Variants in SUMF1 observed in about 807,000 individuals in gnomAD.
SUMF1 encodes formylglycine-generating enzyme.
Under a neutral mutation model 47.6 loss-of-function variants are expected in SUMF1, and 48 were observed. The observed-to-expected ratio is 1.01, with a 90% CI of 0.80 to 1.28. SUMF1 has a LOEUF of 1.28. Among genes scored for constraint, SUMF1 ranks in the 50% most tolerant of loss-of-function variants. The probability of loss-of-function intolerance (pLI) is 0.00; values close to 1 mark genes in which losing one functional copy is unlikely to be tolerated. For missense variants in SUMF1, 571 were observed against 485.4 expected (o/e 1.18, Z -1.66); for synonymous variants, 230 against 192.1 (o/e 1.20, Z -1.63).
At chr3:4,254,531 G>A (rs1278244645) in intron 8 of SUMF1, among the ~76,000 whole-genome samples, 2 of 149,054 alleles carry the variant, frequency 1.3e-5, no homozygotes, top group Non-Finnish European at 3.0e-5. Flanking sequence ...AAGATGAAAT[G>A]AATGAAATGA....
intron 8 of SUMF1, among the ~76,000 whole-genome samples, chr3:4,209,687 T>C (rs1695736967): frequency 6.6e-6 from 1 of 152,012 alleles, no homozygotes. Flanking sequence ...ACATGAAAAT[T>C]ACTGAACATC....
At chr3:4,165,936 C>A (rs1260905137) in intron 8 of SUMF1, among the ~76,000 whole-genome samples, 1 of 147,144 alleles carries the variant, frequency 6.8e-6, no homozygotes, top group African/African-American at 2.5e-5. Flanking sequence ...CTCACTGATG[C>A]AGTAGCAGAT....
At chr3:4,220,916 T>C (rs946901027) in intron 8 of SUMF1, among the ~76,000 whole-genome samples, 5 of 152,150 alleles carry the variant, frequency 3.3e-5, no homozygotes, top group African/African-American at 1.2e-4. Flanking sequence ...GTTCAGAGTA[T>C]ATAAAATGTC....
Position 4,063,298 on chromosome 3 carries a change from G to C in SUMF1, c.1191+5271C>G, listed in dbSNP as rs1012595964. On this transcript the variant is annotated intron_variant and NMD_transcript_variant, in intron 9 of 12. Transcript: ENST00000448413. ...TAACTGAACACAGGACCAAGAGCCAGCCTTACAAACATTTTCTGATAAGCT... is the reference window on the plus strand; with the variant it reads ...TAACTGAACACAGGACCAAGAGCCACCCTTACAAACATTTTCTGATAAGCT... Among the ~76,000 whole-genome samples, 3 of 152,128 alleles carry C rather than the reference G, an allele frequency of 2.0e-5. No homozygotes were observed. The East Asian group carries it at 5.8e-4, about 29-fold the overall frequency.
intron 8 of SUMF1, among the ~76,000 whole-genome samples, chr3:4,349,435 A>C (rs1258790306): frequency 6.6e-6 from 1 of 152,238 alleles, no homozygotes; most frequent in Non-Finnish European, 1.5e-5. Flanking sequence ...GTGATTCCCC[A>C]AGGATCTAGA....
At chr3:4,138,376 T>C (rs1177275350) in intron 8 of SUMF1, among the ~76,000 whole-genome samples, 1 of 152,124 alleles carries the variant, frequency 6.6e-6, no homozygotes, top group Non-Finnish European at 1.5e-5. Flanking sequence ...TTTGTTTGCC[T>C]GAAGATTTGA....
At chr3:4,167,481 A>G (rs1244123087) in intron 8 of SUMF1, among the ~76,000 whole-genome samples, 1 of 152,092 alleles carries the variant, frequency 6.6e-6, no homozygotes, top group East Asian at 1.9e-4. Context: ...TACATCTTAC[A>G]CAGTGCTGAT....
chr3:4,380,314 C>T lies in SUMF1; in HGVS notation c.955-3925G>A, dbSNP rs373660936. On this transcript the variant is annotated intron_variant, in intron 7 of 8. Transcript: ENST00000272902. Reference sequence around the variant, plus strand: ...GCCATTATTATCCTATGTGAATTAACGCAGGAACAGAAAACCAAATACCGC... The same window carrying T: ...GCCATTATTATCCTATGTGAATTAATGCAGGAACAGAAAACCAAATACCGC... Among the ~76,000 whole-genome samples, 42 of 152,232 alleles carry T rather than the reference C, an allele frequency of 2.8e-4. No individual in the cohort carries two copies. In the East Asian group the frequency reaches 5.2e-3, roughly 19 times the overall value.
At chr3:4,330,956 T>A (rs1699039302) in intron 8 of SUMF1, among the ~76,000 whole-genome samples, 1 of 152,224 alleles carries the variant, frequency 6.6e-6, no homozygotes, top group South Asian at 2.1e-4. Flanking sequence ...AACTCTGTTA[T>A]TCCAATTCAA....
At chr3:4,174,167 T>G (rs1033755669) in intron 8 of SUMF1, among the ~76,000 whole-genome samples, 1 of 151,662 alleles carries the variant, frequency 6.6e-6, no homozygotes, top group Non-Finnish European at 1.5e-5. Flanking sequence ...GCATCCTGGC[T>G]AACATGGTGA....
At chr3:4,221,798 T>C (rs573504850) in intron 8 of SUMF1, among the ~76,000 whole-genome samples, 2 of 152,206 alleles carry the variant, frequency 1.3e-5, no homozygotes, top group East Asian at 3.9e-4. Context: ...AAATGTAATA[T>C]ATAGTATACA....
At chr3:4,175,501 A>T (rs1348086443) in intron 8 of SUMF1, among the ~76,000 whole-genome samples, 1 of 152,172 alleles carries the variant, frequency 6.6e-6, no homozygotes, top group Non-Finnish European at 1.5e-5. Flanking sequence ...CAACATCAAC[A>T]AAAAGGTCAT....
intron 8 of SUMF1, among the ~76,000 whole-genome samples, chr3:4,255,106 T>C (rs2125015742): frequency 6.6e-6 from 1 of 150,566 alleles, no homozygotes; most frequent in Non-Finnish European, 1.5e-5. Context: ...AAAGAGCTCC[T>C]GAAGGAAGCA....
intron 8 of SUMF1, among the ~76,000 whole-genome samples, chr3:4,081,295 T>C (rs1356035282): frequency 6.6e-6 from 1 of 152,154 alleles, no homozygotes; most frequent in Non-Finnish European, 1.5e-5. Context: ...GTGTTCCTTC[T>C]GCCTCATCTA....
intron 8 of SUMF1, among the ~76,000 whole-genome samples, chr3:4,136,314 C>A (rs1424186162): frequency 6.6e-6 from 1 of 152,012 alleles, no homozygotes; most frequent in Non-Finnish European, 1.5e-5. Context: ...AGAAATAATA[C>A]CACACATCTA....
intron 1 of SUMF1, among the ~76,000 whole-genome samples, chr3:4,461,297 C>T (rs191735506): frequency 6.6e-6 from 1 of 152,056 alleles, no homozygotes; most frequent in Non-Finnish European, 1.5e-5. Context: ...ATAACCCAGT[C>T]CTAAAAGGAG....
At chr3:4,227,415 G>A (rs1696198082) in intron 8 of SUMF1, among the ~76,000 whole-genome samples, 1 of 152,214 alleles carries the variant, frequency 6.6e-6, no homozygotes, top group East Asian at 1.9e-4. Context: ...AAAAATAACT[G>A]CTTCTACAAC....
Position 4,246,289 on chromosome 3 carries a change from G to T in SUMF1, c.1014+130041C>A, listed in dbSNP as rs1364395883. Among the ~76,000 whole-genome samples, 3 of 151,998 alleles carry T rather than the reference G, an allele frequency of 2.0e-5. No homozygotes were observed. In the East Asian group the frequency reaches 5.8e-4, roughly 29 times the overall value. ...CACCCACTGTCCAACCAGACCCAAT[G>T]AGATGAACCAGGTACCTCAGTTGGA... On this transcript the variant is annotated intron_variant and NMD_transcript_variant, in intron 8 of 12. Coordinates refer to the SUMF1 transcript ENST00000448413.
At chr3:4,292,377 G>T (rs563676795) in intron 8 of SUMF1, among the ~76,000 whole-genome samples, 1 of 152,172 alleles carries the variant, frequency 6.6e-6, no homozygotes, top group Non-Finnish European at 1.5e-5. Context: ...CCTTACCCAA[G>T]AACATATGGC....
Sources: allele counts gnomAD v4.1 joint callset (sites outside exome capture counted in the v4.1 genomes callset), GRCh38; gene constraint gnomAD v4.1.1; transcripts MANE v1.5; gene names NCBI Gene and HGNC (gene_info 2026-07-23, HGNC 2026-07-21).